The following ABI2 variants were observed in gnomAD, a reference collection of about 807,000 sequenced individuals.
ABI2 encodes abl interactor 2.
In ABI2, 25 loss-of-function variants were observed where a neutral mutation model predicts 59.2. The observed-to-expected ratio is 0.42, with a 90% CI of 0.31 to 0.59. The LOEUF is 0.59. Ranked by LOEUF, ABI2 falls within the 20% of genes least tolerant of loss-of-function variation. The pLI is 0.14. For synonymous variants in ABI2, 213 were observed against 235.5 expected, an observed-to-expected ratio of 0.90 and a Z score of 0.87; for missense variants, 545 against 681.8, an observed-to-expected ratio of 0.80 and a Z score of 2.23.
At chr2:203,395,485 A>ACACACACACAC (rs1553589685) in intron 6 of ABI2, among the ~76,000 whole-genome samples, 171 bp from the exon 7 acceptor site, 1 of 146,098 alleles carries the variant, frequency 6.8e-6, no homozygotes, top group African/African-American at 2.5e-5. Context: ...ACACACACAC[A>ACACACACACAC]TTTTTTTTTA....
intron 1 of ABI2, among the ~76,000 whole-genome samples, chr2:203,363,379 A>G (rs919775438): frequency 6.6e-6 from 1 of 152,154 alleles, no homozygotes; most frequent in African/African-American, 2.4e-5. Flanking sequence ...TGTGCTAGCA[A>G]ATACTAGGTC....
intron 9 of ABI2, among the ~76,000 whole-genome samples, chr2:203,406,397 A>G (rs770180297): frequency 8.5e-5 from 13 of 152,214 alleles, no homozygotes; most frequent in South Asian, 4.1e-4. Flanking sequence ...AGATGTGTCT[A>G]TATATAGTTC....
intron 1 of ABI2, among the ~76,000 whole-genome samples, chr2:203,357,068 G>A (rs1165022147): frequency 1.3e-5 from 2 of 152,040 alleles, no homozygotes; most frequent in African/African-American, 4.8e-5. Context: ...TAAAAAGCAA[G>A]TTTCATGTTA....
rs529173383 is a variant in ABI2 at position 203,430,399 on chromosome 2, C to T, written c.*3047C>T. ...CCCTCCTGAAGTTTGTGTGTCCAGT[C>T]CCCTTAAAAAAAATGAATAGTTGTC... On this transcript the variant is annotated 3_prime_UTR_variant, in exon 12 of 12. Coordinates refer to ENST00000261018, the MANE Select transcript of ABI2 (RefSeq NM_001375670.1). The T allele has an allele frequency of 3.3e-5, 5 of 151,996 alleles. No individual in the cohort carries two copies. The highest frequency in any genetic ancestry group is 1.2e-4 in the African/African-American group (5 of 41,468). The allele number at this position is 151,996 out of a possible 1,614,324, so 9.4% of individuals were successfully genotyped here.
intron 5 of ABI2, among the ~76,000 whole-genome samples, chr2:203,392,313 A>G (rs2096784732): frequency 1.4e-5 from 1 of 73,468 alleles, no homozygotes. Context: ...CACCACCACC[A>G]CCAACAACAA....
rs573885945 is a variant in ABI2, at chr2:203,393,970, T to C, written c.579-730T>C. 3.7e-3 allele frequency among the ~76,000 whole-genome samples: 568 copies of C among 152,308 alleles called. 7 individuals are homozygous for C. Among genetic ancestry groups the C allele is most frequent in the African/African-American group, 0.013 (547 of 41,560 alleles). On this transcript the variant is annotated intron_variant, in intron 5 of 11. Coordinates refer to ENST00000261018, the MANE Select transcript of ABI2 (RefSeq NM_001375670.1). ...AAATTTTGGGAAAAGGCGGGAAATA[T>C]GTGTTAATAAAATCCAGTCTGGTTT...
intron 1 of ABI2, among the ~76,000 whole-genome samples, chr2:203,358,564 G>C (rs1009570387): frequency 6.6e-6 from 1 of 152,194 alleles, no homozygotes; most frequent in South Asian, 2.1e-4. Flanking sequence ...TTAGAATTCT[G>C]TGTCTCGTTT....
At chr2:203,333,453 T>G (rs2074937129) in intron 1 of ABI2, among the ~76,000 whole-genome samples, 1 of 152,146 alleles carries the variant, frequency 6.6e-6, no homozygotes, top group South Asian at 2.1e-4. Flanking sequence ...TAGGTCGAGT[T>G]CTGTATGTTC....
At chr2:203,408,052 C>T (rs536171287) in intron 9 of ABI2, among the ~76,000 whole-genome samples, 3 of 152,014 alleles carry the variant, frequency 2.0e-5, no homozygotes, top group African/African-American at 4.8e-5. Context: ...TAACCCCAGA[C>T]GGAACTGAAT....
At chr2:203,373,610 C>A (rs535254612) in intron 2 of ABI2, among the ~76,000 whole-genome samples, 8 of 152,052 alleles carry the variant, frequency 5.3e-5, no homozygotes, top group African/African-American at 1.9e-4. Context: ...TCAAGTTTGT[C>A]ATGGCTTAGA....
At position 203,395,448 on chromosome 2, in the gene ABI2, T is replaced by TACACAC. The variant is rs59156204; in HGVS notation, c.726-176_726-171dup. On this transcript the variant is annotated intron_variant, in intron 6 of 11. Transcript: ENST00000261018. Reference sequence around the variant, plus strand: ...TAATAAGTAAATATATATATATATATACACACACACACACACACACACACA... The same window carrying TACACAC: ...TAATAAGTAAATATATATATATATATACACACACACACACACACACACACACACACA... Among the ~76,000 whole-genome samples, 471 of 115,288 alleles carry TACACAC rather than the reference T, an allele frequency of 4.1e-3. 12 individuals carry two copies. Among genetic ancestry groups the TACACAC allele is most frequent in the South Asian group, 4.3e-3 (13 of 3,016 alleles). 75.6% of individuals were successfully genotyped at this position (115,288 alleles called of 152,430 possible). A position where few individuals can be genotyped will look rare whatever the true frequency, so the allele number is the denominator to read the frequency against.
intron 1 of ABI2, among the ~76,000 whole-genome samples, chr2:203,339,594 A>G (rs1430901095): frequency 2.0e-5 from 3 of 151,690 alleles, no homozygotes; most frequent in African/African-American, 4.8e-5. Context: ...AAAAAAAAAA[A>G]AAAGAAAAAG....
intron 11 of ABI2, among the ~76,000 whole-genome samples, chr2:203,420,396 CTT>C (rs59111250): frequency 0.72 from 100,653 of 140,370 alleles, 36,633 homozygotes; most frequent in Middle Eastern, 0.84. Context: ...GTGACAGTCC[CTT>C]TTTTTTTTTT....
At chr2:203,414,686 T>C (rs2097822231) in intron 10 of ABI2, among the ~76,000 whole-genome samples, 1 of 152,228 alleles carries the variant, frequency 6.6e-6, no homozygotes, top group Non-Finnish European at 1.5e-5. Flanking sequence ...GTTTGTTGAA[T>C]AAATACTAAT....
At position 203,373,100 on chromosome 2, in the gene ABI2, G is replaced by A. The variant is rs542936324; in HGVS notation, c.285+6056G>A. Among the ~76,000 whole-genome samples the A allele has an allele frequency of 6.6e-4, 101 of 152,320 alleles. 1 individual carries two copies. Among genetic ancestry groups the A allele is most frequent in the Middle Eastern group, 3.4e-3 (1 of 294 alleles). On this transcript the variant is annotated intron_variant, in intron 2 of 11. Coordinates refer to ENST00000261018, the MANE Select transcript of ABI2 (RefSeq NM_001375670.1). The stretch of plus-strand genomic sequence containing the variant: ...GGCTGCAATCTCGGCACTTTGGGAG[G>A]CCAAGGCAGGCGGCTGGGAGGTGGA...
At chr2:203,415,884 A>G (rs950614503) in intron 10 of ABI2, among the ~76,000 whole-genome samples, 3 of 152,194 alleles carry the variant, frequency 2.0e-5, no homozygotes, top group African/African-American at 7.2e-5. Context: ...ATGTTACTAT[A>G]TATTGGTATG....
chr2:203,415,617 A>C (rs1456846650), intron 10 of ABI2, among the ~76,000 whole-genome samples: 2 of 88,052 alleles, frequency 2.3e-5, no homozygotes, highest in Non-Finnish European at 4.4e-5. Context: ...ACTCCGTCTC[A>C]AAAAAAAAAA....
At chr2:203,420,644 C>T (rs1359245450) in intron 11 of ABI2, among the ~76,000 whole-genome samples, 1 of 152,070 alleles carries the variant, frequency 6.6e-6, no homozygotes, top group African/African-American at 2.4e-5. Flanking sequence ...CCGCCCACCT[C>T]GGCCTCCCAA....
In ABI2 at chr2:203,428,238, T is replaced by G. The variant is rs2098456501; in HGVS notation, c.*886T>G. 6.6e-6 allele frequency: 1 copy of G among 152,630 alleles called. No individual in the cohort carries two copies. Among genetic ancestry groups the G allele is most frequent in the African/African-American group, 2.4e-5 (1 of 41,460 alleles). 9.5% of individuals were successfully genotyped at this position (152,630 alleles called of 1,614,324 possible). On this transcript the variant is annotated 3_prime_UTR_variant, in exon 12 of 12. Coordinates refer to ENST00000261018, the MANE Select transcript of ABI2 (RefSeq NM_001375670.1). ...GCATCCCGAACCCCTGCTTCGGTGC[T>G]GTTTTGAGGAGTAGGATCTTGGAGT...
Sources: gnomAD v4.1 joint callset for allele counts (sites outside exome capture counted in the v4.1 genomes callset) on GRCh38, gnomAD v4.1.1 for gene constraint, MANE v1.5 for transcripts, NCBI Gene and HGNC (gene_info 2026-07-23, HGNC 2026-07-21) for gene names.